MRC2: variants seen among roughly 807,000 people sequenced by gnomAD.
MRC2 encodes the protein mannose receptor C-type 2.
A neutral mutation model predicts 206.2 loss-of-function variants in MRC2; 84 were observed. That is an observed-to-expected ratio of 0.41 (90% CI 0.34 to 0.49). The LOEUF (loss-of-function observed/expected upper bound fraction) is 0.49. Ranked by LOEUF, MRC2 falls within the 20% of genes least tolerant of loss-of-function variation. MRC2 has a pLI of 0.31. For missense variants in MRC2, 1,676 were observed against 2,001.5 expected (o/e 0.84, Z 3.10); for synonymous variants, 798 against 800.0 (o/e 1.00, Z 0.04).
In MRC2 at chr17:62,692,324, G is replaced by A. The variant is rs1291524910; in HGVS notation, c.4313G>A (p.Arg1438Lys). 2.5e-6 allele frequency: 4 copies of A among 1,584,558 alleles called. No homozygotes were observed. Among genetic ancestry groups the A allele is most frequent in the Admixed American group, 1.8e-5 (1 of 54,742 alleles). ...ACCGCAGCCCTCATCCTTTACCGGA[G>A]GCGCCAGAGCATCGAGCGCGGGGCC... Reference protein sequence around the residue: ...LLTAALILYRRRQSIERGAFE... With the variant: ...LLTAALILYRKRQSIERGAFE... Residue 1438 changes from arginine (R) to lysine (K), a missense_variant, in exon 30 of 30, where the codon AGG becomes AAG. Arg to Lys is a conservative substitution (Grantham distance 26, BLOSUM62 2). Around this residue, in one of 3 missense-constraint regions of MRC2, gnomAD observed 1,354 missense variants for 1,636.6 expected, o/e 0.83. Transcript: ENST00000303375. The surrounding 1 kb of genome is among the most constrained non-coding windows in gnomAD (Gnocchi z 4.2).
intron 1 of MRC2, among the ~76,000 whole-genome samples, chr17:62,659,721 T>C (rs571892794): frequency 3.3e-5 from 5 of 152,140 alleles, no homozygotes; most frequent in Non-Finnish European, 5.9e-5. Context: ...CCCATCCAAG[T>C]GCTGTTAGAG....
At chr17:62,686,966 C>G (rs2089039756) in intron 20 of MRC2, among the ~76,000 whole-genome samples, 1 of 152,176 alleles carries the variant, frequency 6.6e-6, no homozygotes, top group South Asian at 2.1e-4. Flanking sequence ...AGTCACAGCT[C>G]TCACTGGTTA....
rs927038701 is a variant in MRC2, at chr17:62,659,159, C to T, written c.119-5389C>T. The stretch of plus-strand genomic sequence containing the variant: ...CTCTGGGGTGTCTTTTATTAGGACG[C>T]TCATCCTATCCATGAAGGCTCTTCC... On this transcript the variant is annotated intron_variant, in intron 1 of 29. Coordinates refer to ENST00000303375, the MANE Select transcript of MRC2 (RefSeq NM_006039.5). Among the ~76,000 whole-genome samples the T allele has an allele frequency of 4.6e-5, 7 of 152,226 alleles. No homozygotes were observed. In the South Asian group the frequency reaches 1.0e-3, roughly 23 times the overall value.
Position 62,678,470 on chromosome 17 carries a change from G to A in MRC2, c.2053-34G>A, listed in dbSNP as rs555930590. On this transcript the variant is annotated intron_variant, in intron 12 of 29. Transcript: ENST00000303375. ...TGCCCCCTGAGGGGTGGGCCAGTGG[G>A]GACAGCTTAGACAGCTGGACTCTGC... 215 of 1,601,194 alleles carry A rather than the reference G, an allele frequency of 1.3e-4. 1 individual carries two copies. The South Asian group carries it at 2.2e-3, about 16-fold the overall frequency.
chr17:62,683,336 C>T (rs1162786555), intron 20 of MRC2, among the ~76,000 whole-genome samples: 3 of 151,578 alleles, frequency 2.0e-5, no homozygotes, highest in Non-Finnish European at 2.9e-5. Context: ...AGTGTGGTGG[C>T]ACATGCCTGT....
intron 26 of MRC2, 43 bp downstream of exon 26, chr17:62,690,348 AC>A: frequency 6.4e-7 from 1 of 1,568,932 alleles, no homozygotes; most frequent in South Asian, 1.2e-5. Context: ...GGCAGGTGGC[AC>A]CTCCTCTCGT....
chr17:62,675,686 G>A lies in MRC2; in HGVS notation c.1570-104G>A, dbSNP rs2088882438. The A allele has an allele frequency of 5.6e-6, 5 of 894,078 alleles. No individual in the cohort carries two copies. The highest frequency in any genetic ancestry group is 1.5e-5 in the South Asian group (1 of 68,776). 55.4% of individuals were successfully genotyped at this position (894,078 alleles called of 1,614,324 possible). A position where few individuals can be genotyped will look rare whatever the true frequency, so the allele number is the denominator to read the frequency against. ...AACCAGTCCCCTCCGTCCTGAGCACGTTCAGTGATGTCCCTGATGGCATCT... is the reference window on the plus strand; with the variant it reads ...AACCAGTCCCCTCCGTCCTGAGCACATTCAGTGATGTCCCTGATGGCATCT... On this transcript the variant is annotated intron_variant, in intron 9 of 29. Coordinates refer to ENST00000303375, the MANE Select transcript of MRC2 (RefSeq NM_006039.5). This position sits in a 1 kb window ranked among gnomAD's most constrained non-coding sequence, Gnocchi z 4.1.
At chr17:62,668,078 C>T (rs772149216) in intron 6 of MRC2, among the ~76,000 whole-genome samples, 5 of 152,094 alleles carry the variant, frequency 3.3e-5, no homozygotes, top group East Asian at 3.9e-4. Context: ...GAGTGATGGC[C>T]GGGCACCGTG....
chr17:62,643,009 C>T (rs2147439060), intron 1 of MRC2, among the ~76,000 whole-genome samples: 1 of 152,244 alleles, frequency 6.6e-6, no homozygotes, highest in South Asian at 2.1e-4. Flanking sequence ...GACGCTACTT[C>T]ATACCATATG....
rs1310519427 is a variant in MRC2, at chr17:62,667,020, C to T, written c.973+150C>T. On this transcript the variant is annotated intron_variant, in intron 5 of 29. Transcript: ENST00000303375. This position sits in a 1 kb window ranked among gnomAD's most constrained non-coding sequence, Gnocchi z 4.1. The stretch of plus-strand genomic sequence containing the variant: ...ACCCCCCTCCCCAGACTGCGCCCCC[C>T]TAGCCCATGTAGGGCGGCGCTGCCC... The T allele has an allele frequency of 1.5e-5, 10 of 688,630 alleles. No individual in the cohort carries two copies. The Admixed American group carries it at 1.8e-4, about 13-fold the overall frequency. The allele number at this position is 688,630 out of a possible 1,614,324, so 42.7% of individuals were successfully genotyped here.
At chr17:62,691,253 C>T in intron 28 of MRC2, 125 bp downstream of exon 28, 1 of 1,117,622 alleles carries the variant, frequency 8.9e-7, no homozygotes, top group Non-Finnish European at 1.2e-6. Flanking sequence ...ACAGAACGGA[C>T]TGCGGGCAGC....
intron 1 of MRC2, among the ~76,000 whole-genome samples, chr17:62,640,058 C>A (rs372487889): frequency 7.8e-6 from 1 of 127,946 alleles, no homozygotes; most frequent in Non-Finnish European, 1.6e-5. Flanking sequence ...TTAGTAGAGA[C>A]GGGGGTTTCT....
chr17:62,674,260 G>T, intron 9 of MRC2, 90 bp downstream of exon 9: 1 of 898,964 alleles, frequency 1.1e-6, no homozygotes, highest in Admixed American at 2.9e-5. Flanking sequence ...CTGCTGCCTC[G>T]CATGGCATCG....
chr17:62,666,389 G>A lies in MRC2; in HGVS notation c.695-66G>A, dbSNP rs543936237. On this transcript the variant is annotated intron_variant, in intron 3 of 29. Coordinates refer to ENST00000303375, the MANE Select transcript of MRC2 (RefSeq NM_006039.5). The surrounding 1 kb of genome is among the most constrained non-coding windows in gnomAD (Gnocchi z 5.0). ...CCCTACCTAGTGTAGCCTTTTGGTG[G>A]GGGAGGGTCTGCACTCCCGAGGGAC... is the stretch of plus-strand genomic sequence containing the variant. 3.7e-6 allele frequency: 6 copies of A among 1,607,802 alleles called. No homozygotes were observed. Among genetic ancestry groups the A allele is most frequent in the Admixed American group, 3.4e-5 (2 of 59,670 alleles).
intron 1 of MRC2, among the ~76,000 whole-genome samples, chr17:62,657,900 C>A (rs2088636811): frequency 6.6e-6 from 1 of 152,138 alleles, no homozygotes; most frequent in African/African-American, 2.4e-5. Context: ...GTGGAAAATG[C>A]TCTCAAGAAC....
At position 62,627,834 on chromosome 17, in the gene MRC2, G is replaced by A; in HGVS notation, c.32G>A (p.Trp11Ter). 6.8e-7 allele frequency: 1 copy of A among 1,467,316 alleles called. No homozygotes were observed. The allele number at this position is 1,467,316 out of a possible 1,614,324, so 90.9% of individuals were successfully genotyped here. ...CCCGGCCGGCCGGCCCCCGCGCCCTGGCCTCGTCACCTGCTGCGCTGCGTC... is the reference window on the plus strand; with the variant it reads ...CCCGGCCGGCCGGCCCCCGCGCCCTAGCCTCGTCACCTGCTGCGCTGCGTC... MGPGRPAPAP[W>*]PRHLLRCVLL... Residue 11 changes from tryptophan (W) to a stop codon, truncating the protein, a stop_gained, in exon 1 of 30, where the codon TGG becomes TAG. Coordinates refer to ENST00000303375, the MANE Select transcript of MRC2 (RefSeq NM_006039.5). LOFTEE classifies it high-confidence loss of function.
At chr17:62,654,483 T>C (rs1176155034) in intron 1 of MRC2, among the ~76,000 whole-genome samples, 1 of 152,028 alleles carries the variant, frequency 6.6e-6, no homozygotes, top group East Asian at 1.9e-4. Context: ...AATTAACTTC[T>C]CATCTGCCTC....
rs750256533 is a variant in MRC2 at position 62,688,420 on chromosome 17, G to C, written c.3061+17G>C. The C allele has an allele frequency of 2.8e-5, 46 of 1,614,066 alleles. No individual in the cohort carries two copies. Among genetic ancestry groups the C allele is most frequent in the Non-Finnish European group, 3.9e-5 (46 of 1,180,028 alleles). On this transcript the variant is annotated intron_variant, in intron 21 of 29. Transcript: ENST00000303375. ...TAGAGCAAGGTAGGGCCAGCCTATGGGGAGCCCCCAGTATCCTCTGACACT... is the reference window on the plus strand; with the variant it reads ...TAGAGCAAGGTAGGGCCAGCCTATGCGGAGCCCCCAGTATCCTCTGACACT...
intron 13 of MRC2, among the ~76,000 whole-genome samples, chr17:62,678,942 T>C (rs1292311789): frequency 3.3e-5 from 5 of 151,864 alleles, no homozygotes; most frequent in African/African-American, 9.7e-5. Context: ...CTTACATATG[T>C]ACCCCCCACC....
Sources: gnomAD v4.1 joint callset for allele counts (sites outside exome capture counted in the v4.1 genomes callset) on GRCh38, gnomAD v4.1.1 for gene constraint, gnomAD v4.1.1 regional missense constraint, Gnocchi (gnomAD v3.1) non-coding constraint, MANE v1.5 for transcripts, NCBI Gene and HGNC (gene_info 2026-07-23, HGNC 2026-07-21) for gene names.